EIF3A: variants seen among roughly 807,000 people sequenced by gnomAD.
EIF3A encodes the protein eukaryotic translation initiation factor 3 subunit A.
EIF3A carries 21 observed loss-of-function variants against 186.6 expected under a neutral mutation model. The observed-to-expected ratio is 0.11, with a 90% CI of 0.08 to 0.16. The LOEUF (loss-of-function observed/expected upper bound fraction) is 0.16, where lower values mean the gene tolerates loss of function less well. Among genes scored for constraint, EIF3A ranks in the 10% least tolerant of loss-of-function variants. The pLI is 1.00. For synonymous variants in EIF3A, 563 were observed against 584.3 expected (o/e 0.96, Z 0.52); for missense variants, 1,306 against 1,796.3 (o/e 0.73, Z 4.93).
At chr10:119,045,780 C>T (rs1361185667) in intron 17 of EIF3A, among the ~76,000 whole-genome samples, 2 of 152,128 alleles carry the variant, frequency 1.3e-5, no homozygotes, top group Non-Finnish European at 2.9e-5. Flanking sequence ...CCAGACTGGT[C>T]TCAAGCTCCC....
chr10:119,074,918 C>CAAA (rs1170284096), intron 1 of EIF3A, among the ~76,000 whole-genome samples: 355 of 23,272 alleles, frequency 0.015, 1 homozygote, highest in Non-Finnish European at 0.02. Flanking sequence ...AACTCCAACT[C>CAAA]AAAAAAAAAA....
chr10:119,052,743 T>G (rs1046726669), intron 14 of EIF3A, among the ~76,000 whole-genome samples: 1 of 152,152 alleles, frequency 6.6e-6, no homozygotes, highest in South Asian at 2.1e-4. Context: ...ACTCTACTCA[T>G]GTACCCCTCC....
At chr10:119,071,133 TA>T (rs1229034464) in intron 4 of EIF3A, 48 bp from the exon 5 acceptor site, 1 of 1,301,472 alleles carries the variant, frequency 7.7e-7, no homozygotes, top group South Asian at 1.2e-5. Context: ...ACTATCTACT[TA>T]AATATTTGAA....
intron 14 of EIF3A, among the ~76,000 whole-genome samples, chr10:119,052,040 T>C (rs936727528): frequency 3.3e-5 from 5 of 152,140 alleles, no homozygotes; most frequent in African/African-American, 1.2e-4. Context: ...TTTCTTAAAA[T>C]AGGTAACAAT....
chr10:119,054,957 C>T, intron 14 of EIF3A, among the ~76,000 whole-genome samples: 1 of 152,190 alleles, frequency 6.6e-6, no homozygotes, highest in Non-Finnish European at 1.5e-5. Flanking sequence ...CGCCTATAAT[C>T]CCAGCACTTT....
chr10:119,059,924 TA>T (rs1291780314), intron 9 of EIF3A: 2 of 612,696 alleles, frequency 3.3e-6, no homozygotes, highest in East Asian at 5.9e-5. Context: ...CTCAAACCTA[TA>T]ATCTTTTCAA....
At position 119,034,751 on chromosome 10, in the gene EIF3A, T is replaced by G. The variant is rs1848104870; in HGVS notation, c.*1288A>C. On this transcript the variant is annotated 3_prime_UTR_variant, in exon 22 of 22. Transcript: ENST00000369144. ...ATTTTCTCAAATTAACTACGATTTT[T>G]CTAATTTCAGGTGAAAACCCAAGGT... The G allele has an allele frequency of 6.6e-6, 1 of 152,198 alleles. No homozygotes were observed. Among genetic ancestry groups the G allele is most frequent in the Admixed American group, 6.5e-5 (1 of 15,280 alleles). 9.4% of individuals were successfully genotyped at this position (152,198 alleles called of 1,614,324 possible).
At chr10:119,080,444 C>T (rs1844245905) in intron 1 of EIF3A, 184 bp downstream of exon 1, 1 of 985,452 alleles carries the variant, frequency 1.0e-6, no homozygotes, top group East Asian at 1.1e-4. Context: ...GCCTCCCAGA[C>T]CCCAGTCGAT....
intron 4 of EIF3A, 57 bp from the exon 5 acceptor site, chr10:119,071,142 G>T: frequency 1.6e-6 from 2 of 1,238,658 alleles, no homozygotes; most frequent in Non-Finnish European, 2.4e-6. Context: ...TTAAATATTT[G>T]AATAGGTTTT....
chr10:119,051,250 G>A lies in EIF3A; in HGVS notation c.2268C>T (p.Asp756=), dbSNP rs1848352894. Residue 756 remains aspartate (D), a synonymous_variant, in exon 15 of 22, where the codon GAC becomes GAT. Transcript: ENST00000369144. ...HKNRMSRMLE[D]RDLFVMRLKA... The stretch of plus-strand genomic sequence containing the variant: ...TGAGTCGCATTACGAATAAATCTCT[G>A]TCTTCAAGCATTCGTGACATTCGAT... The A allele has an allele frequency of 3.1e-6, 5 of 1,612,080 alleles. No individual in the cohort carries two copies. Among genetic ancestry groups the A allele is most frequent in the Non-Finnish European group, 4.2e-6 (5 of 1,179,442 alleles).
Position 119,050,665 on chromosome 10 carries a change from T to G in EIF3A, c.2329A>C (p.Lys777Gln), listed in dbSNP as rs145288541. 8,129 of 1,614,018 alleles carry G rather than the reference T, an allele frequency of 5.0e-3. 31 individuals are homozygous for G. The highest frequency in any genetic ancestry group is 6.2e-3 in the Non-Finnish European group (7,338 of 1,180,012). The stretch of plus-strand genomic sequence containing the variant: ...TCTGCTAATCGCTCTTCAAACTGTT[T>G]AAGTTTTTCCTGCAATCGAAGTAAC... ...ARQSVYEEKLKQFEERLAEER... is the reference protein window; with the variant it reads ...ARQSVYEEKLQQFEERLAEER... Residue 777 changes from lysine to glutamine, a missense_variant, in exon 16 of 22, where the codon AAA (lysine) becomes CAA (glutamine). By Grantham distance (53) the Lys-to-Gln change is moderately conservative. Around this residue, in one of 8 missense-constraint regions of EIF3A, gnomAD observed 410 missense variants for 473.5 expected, o/e 0.87. Transcript: ENST00000369144.
At chr10:119,062,901 C>T (rs531614257) in intron 7 of EIF3A, among the ~76,000 whole-genome samples, 1 of 151,910 alleles carries the variant, frequency 6.6e-6, no homozygotes, top group South Asian at 2.1e-4. Flanking sequence ...GCATGCACCA[C>T]AATGCCCAGC....
At chr10:119,051,378 C>T in intron 14 of EIF3A, 57 bp from the exon 15 acceptor site, 1 of 1,478,490 alleles carries the variant, frequency 6.8e-7, no homozygotes. Context: ...TCATTAACCC[C>T]AAATTACTGA....
At chr10:119,046,472 A>G (rs1253495526) in intron 17 of EIF3A, among the ~76,000 whole-genome samples, 4 of 152,248 alleles carry the variant, frequency 2.6e-5, no homozygotes, top group Non-Finnish European at 4.4e-5. Flanking sequence ...GTTCGCTAAT[A>G]TGGATGGAAA....
Position 119,060,902 on chromosome 10 carries a change from C to T in EIF3A, c.1228-58G>A, listed in dbSNP as rs1843874358. The T allele has an allele frequency of 3.5e-6, 4 of 1,136,802 alleles. No homozygotes were observed. The African/African-American group carries it at 4.8e-5, about 14-fold the overall frequency. The allele number at this position is 1,136,802 out of a possible 1,614,324, so 70.4% of individuals were successfully genotyped here. On this transcript the variant is annotated intron_variant, in intron 8 of 21. Coordinates refer to ENST00000369144, the MANE Select transcript of EIF3A (RefSeq NM_003750.4). ...ACTTTCTACATAAGAGATACTAAAA[C>T]ATCTAAAACTCTTTTTTTTTTAATA... is the stretch of plus-strand genomic sequence containing the variant.
At chr10:119,072,400 A>G (rs979622581) in intron 4 of EIF3A, among the ~76,000 whole-genome samples, 1 of 151,854 alleles carries the variant, frequency 6.6e-6, no homozygotes, top group Non-Finnish European at 1.5e-5. Context: ...ACTCCTTTAA[A>G]GAGTAAAACA....
chr10:119,052,807 T>C (rs1464506711), intron 14 of EIF3A, among the ~76,000 whole-genome samples: 4 of 152,238 alleles, frequency 2.6e-5, no homozygotes, highest in Non-Finnish European at 4.4e-5. Context: ...CTAATGCTGA[T>C]ATTTTGACCT....
chr10:119,045,864 GC>G (rs1233499371), intron 17 of EIF3A, among the ~76,000 whole-genome samples: 2 of 152,176 alleles, frequency 1.3e-5, no homozygotes, highest in Non-Finnish European at 2.9e-5. Flanking sequence ...AATGTGCCCG[GC>G]CCAGCAGATC....
At chr10:119,072,715 A>G (rs1844098364) in intron 4 of EIF3A, among the ~76,000 whole-genome samples, 175 bp downstream of exon 4, 2 of 152,212 alleles carry the variant, frequency 1.3e-5, no homozygotes, top group Admixed American at 6.5e-5. Flanking sequence ...TTGACCTCCC[A>G]AAGTGCTGGG....
Sources: gnomAD v4.1 joint callset for allele counts (sites outside exome capture counted in the v4.1 genomes callset) on GRCh38, gnomAD v4.1.1 for gene constraint, gnomAD v4.1.1 regional missense constraint, MANE v1.5 for transcripts, NCBI Gene and HGNC (gene_info 2026-07-23, HGNC 2026-07-21) for gene names.